EPHA8: variants seen among roughly 807,000 people sequenced by gnomAD.
EPHA8 encodes the protein ephrin type-A receptor 8.
In EPHA8, 58 loss-of-function variants were observed where a neutral mutation model predicts 103.6. The observed-to-expected ratio is 0.56, with a 90% CI of 0.45 to 0.70. The LOEUF is 0.70. Ranked by LOEUF, EPHA8 falls within the 30% of genes least tolerant of loss-of-function variation. The probability of loss-of-function intolerance (pLI) is 0.00; values close to 1 mark genes in which losing one functional copy is unlikely to be tolerated. For synonymous variants in EPHA8, 559 were observed against 572.5 expected (o/e 0.98, Z 0.34); for missense variants, 1,304 against 1,395.2 (o/e 0.93, Z 1.04).
chr1:22,569,188 C>A lies in EPHA8; in HGVS notation c.95-101C>A. The A allele has an allele frequency of 8.7e-7, 1 of 1,143,652 alleles. No homozygotes were observed. Among genetic ancestry groups the A allele is most frequent in the South Asian group, 1.3e-5 (1 of 78,586 alleles). 70.8% of individuals were successfully genotyped at this position (1,143,652 alleles called of 1,614,324 possible). On this transcript the variant is annotated intron_variant, in intron 1 of 16. Coordinates refer to ENST00000166244, the MANE Select transcript of EPHA8 (RefSeq NM_020526.5). This position sits in a 1 kb window ranked among gnomAD's most constrained non-coding sequence, Gnocchi z 4.5. Reference sequence around the variant, plus strand: ...CAGAGGGACCCGTGTGAGCTGTGTGCTGGGGGCTGAGTGTGGACCAGTGTA... The same window carrying A: ...CAGAGGGACCCGTGTGAGCTGTGTGATGGGGGCTGAGTGTGGACCAGTGTA...
Position 22,598,257 on chromosome 1 carries a change from G to A in EPHA8, c.2178+45G>A, listed in dbSNP as rs540310339. ...CTCTTGCATGGGCTTGGGGAGGGAG[G>A]TCCAGTCTGGGTGCTGGGAGATAGT... On this transcript the variant is annotated intron_variant, in intron 12 of 16. Transcript: ENST00000166244. The surrounding 1 kb of genome is among the most constrained non-coding windows in gnomAD (Gnocchi z 5.1). The A allele has an allele frequency of 3.8e-6, 6 of 1,591,374 alleles. No homozygotes were observed. In the South Asian group the frequency reaches 6.7e-5, roughly 18 times the overall value.
At position 22,581,936 on chromosome 1, in the gene EPHA8, G is replaced by A. The variant is rs375737021; in HGVS notation, c.824-4544G>A. The stretch of plus-strand genomic sequence containing the variant: ...TAACCTCATTTGGGAAGGTCAGCAC[G>A]GGTCTCAAACTAAGGCCTTTCACAA... On this transcript the variant is annotated intron_variant, in intron 3 of 16. Coordinates refer to ENST00000166244, the MANE Select transcript of EPHA8 (RefSeq NM_020526.5). 2.4e-4 allele frequency among the ~76,000 whole-genome samples: 36 copies of A among 152,258 alleles called. No homozygotes were observed. In the South Asian group the frequency reaches 7.3e-3, roughly 31 times the overall value.
Position 22,595,277 on chromosome 1 carries a change from A to G in EPHA8, c.1651A>G (p.Ile551Val). ...CATTGTCTGGATCTGCCTGACGCTC[A>G]TCACGGGCCTGGTGGTGCTTCTGCT... ...RTIVWICLTL[I>V]TGLVVLLLLL... The change falls in exon 8 of 17, where the codon ATC becomes GTC. Residue 551 changes from isoleucine to valine, a missense_variant. By Grantham distance (29) the Ile-to-Val change is conservative (BLOSUM62 3). Coordinates refer to ENST00000166244, the MANE Select transcript of EPHA8 (RefSeq NM_020526.5). 1.2e-6 allele frequency: 2 copies of G among 1,613,890 alleles called. No individual in the cohort carries two copies. The highest frequency in any genetic ancestry group is 1.7e-6 in the Non-Finnish European group (2 of 1,179,896).
rs993112338 is a variant in EPHA8 at position 22,597,084 on chromosome 1, T to A, written c.1766-228T>A. Among the ~76,000 whole-genome samples, 1 of 152,034 alleles carries A rather than the reference T, an allele frequency of 6.6e-6. No homozygotes were observed. Among genetic ancestry groups the A allele is most frequent in the Non-Finnish European group, 1.5e-5 (1 of 68,010 alleles). ...AAGTGACCCCAGAAAATGACAGACA[T>A]GCCCAGAACTCACTGGAGACTCCAC... On this transcript the variant is annotated intron_variant, in intron 9 of 16. Coordinates refer to ENST00000166244, the MANE Select transcript of EPHA8 (RefSeq NM_020526.5). The surrounding 1 kb of genome is among the most constrained non-coding windows in gnomAD (Gnocchi z 4.6).
At chr1:22,566,114 ACT>A (rs1306272955) in intron 1 of EPHA8, among the ~76,000 whole-genome samples, 2 of 152,134 alleles carry the variant, frequency 1.3e-5, no homozygotes, top group South Asian at 4.2e-4. Context: ...ACAACAGGCC[ACT>A]CTCAGAGCTT....
chr1:22,565,306 G>A (rs1420427037), intron 1 of EPHA8, among the ~76,000 whole-genome samples: 3 of 152,198 alleles, frequency 2.0e-5, no homozygotes, highest in Admixed American at 6.5e-5. Context: ...GGAGAGGCAC[G>A]GCAGGGTGGC....
At chr1:22,586,450 G>T (rs1478992113) in intron 3 of EPHA8, 30 bp from the exon 4 acceptor site, 3 of 1,607,844 alleles carry the variant, frequency 1.9e-6, no homozygotes. Flanking sequence ...GGCCCTGCTG[G>T]CTCATGTGCA....
At chr1:22,587,797 G>A (rs182352301) in intron 4 of EPHA8, among the ~76,000 whole-genome samples, 1 of 152,214 alleles carries the variant, frequency 6.6e-6, no homozygotes, top group Admixed American at 6.5e-5. Context: ...GAGGGCCCAG[G>A]TGCATTCATG....
chr1:22,587,371 G>T (rs1416358235), intron 4 of EPHA8, among the ~76,000 whole-genome samples: 1 of 152,208 alleles, frequency 6.6e-6, no homozygotes, highest in Non-Finnish European at 1.5e-5. Flanking sequence ...TTGAATGAGG[G>T]TGTCTTGTGA....
rs929961217 is a variant in EPHA8, at chr1:22,567,235, G to A, written c.95-2054G>A. On this transcript the variant is annotated intron_variant, in intron 1 of 16. Coordinates refer to ENST00000166244, the MANE Select transcript of EPHA8 (RefSeq NM_020526.5). The surrounding 1 kb of genome is among the most constrained non-coding windows in gnomAD (Gnocchi z 4.2). ...CCCAGTCACCCCGAGACCTGTGTCT[G>A]GGATGCGGGGTGGGGCGGGGGGACC... Among the ~76,000 whole-genome samples, 1 of 152,194 alleles carries A rather than the reference G, an allele frequency of 6.6e-6. No homozygotes were observed. The highest frequency in any genetic ancestry group is 2.4e-5 in the African/African-American group (1 of 41,446).
Position 22,597,932 on chromosome 1 carries a change from CCT to C in EPHA8, c.2116+73_2116+74del, listed in dbSNP as rs1557581190. 6.5e-7 allele frequency: 1 copy of C among 1,543,166 alleles called. No homozygotes were observed. Among genetic ancestry groups the C allele is most frequent in the African/African-American group, 1.4e-5 (1 of 73,236 alleles). ...CCTGGAGAGGCCTCTGGGTCCATCC[CCT>C]CATCCATCCTGCTCTGCCCCACCTG... On this transcript the variant is annotated intron_variant, in intron 11 of 16. Coordinates refer to ENST00000166244, the MANE Select transcript of EPHA8 (RefSeq NM_020526.5). This position sits in a 1 kb window ranked among gnomAD's most constrained non-coding sequence, Gnocchi z 4.6.
Position 22,579,031 on chromosome 1 carries a change from G to T in EPHA8, c.823+2151G>T, listed in dbSNP as rs536195221. On this transcript the variant is annotated intron_variant, in intron 3 of 16. Coordinates refer to ENST00000166244, the MANE Select transcript of EPHA8 (RefSeq NM_020526.5). ...TGTGTGTGCATATGTGCAAGAGTAT[G>T]TATGCATGTGTGTGCATTTGTGCAT... Among the ~76,000 whole-genome samples, 3 of 125,068 alleles carry T rather than the reference G, an allele frequency of 2.4e-5. No individual in the cohort carries two copies. The East Asian group carries it at 7.7e-4, about 32-fold the overall frequency. The allele number at this position is 125,068 out of a possible 152,430, so 82.0% of individuals were successfully genotyped here.
chr1:22,568,038 ATC>A (rs1420209335), intron 1 of EPHA8, among the ~76,000 whole-genome samples: 1 of 152,232 alleles, frequency 6.6e-6, no homozygotes. Flanking sequence ...AGCATAATGC[ATC>A]TGTTTCACCT....
In EPHA8 at chr1:22,602,079, C is replaced by A; in HGVS notation, c.*338C>A. On this transcript the variant is annotated 3_prime_UTR_variant, in exon 17 of 17. Coordinates refer to ENST00000166244, the MANE Select transcript of EPHA8 (RefSeq NM_020526.5). ...GTGTGTGTGTGGTGGGGGGTGTTCT[C>A]ACAAGGTCATGGGATCTCATGTGAA... is the stretch of plus-strand genomic sequence containing the variant. The A allele has an allele frequency of 2.3e-6, 1 of 436,472 alleles. No individual in the cohort carries two copies. Among genetic ancestry groups the A allele is most frequent in the East Asian group, 4.6e-5 (1 of 21,608 alleles). The allele number at this position is 436,472 out of a possible 1,614,324, so 27.0% of individuals were successfully genotyped here.
rs766808717 is a variant in EPHA8 at position 22,597,388 on chromosome 1, C to A, written c.1842C>A (p.His614Gln). ...LPEPQFYAEP[H>Q]TYEEPGRAGR... ...AGCCCCAGTTCTATGCGGAACCCCA[C>A]ACCTACGAGGAGCCAGGCCGGGCGG... Residue 614 changes from histidine to glutamine, a missense_variant, in exon 10 of 17, where the codon CAC (histidine) becomes CAA (glutamine). His to Gln is a conservative substitution (Grantham distance 24). Transcript: ENST00000166244. The surrounding 1 kb of genome is among the most constrained non-coding windows in gnomAD (Gnocchi z 4.6). 50 of 1,613,338 alleles carry A rather than the reference C, an allele frequency of 3.1e-5. No homozygotes were observed. The Middle Eastern group carries it at 4.9e-4, about 16-fold the overall frequency.
rs542382430 is a variant in EPHA8, at chr1:22,597,255, G to A, written c.1766-57G>A. The A allele has an allele frequency of 3.5e-6, 5 of 1,429,462 alleles. No homozygotes were observed. The East Asian group carries it at 1.2e-4, about 33-fold the overall frequency. 88.5% of individuals were successfully genotyped at this position (1,429,462 alleles called of 1,614,324 possible). ...CAGACCCATCCCAGGCCCAGGGAAT[G>A]TCAGGAAAAAGCAATCTCTCCTGGG... On this transcript the variant is annotated intron_variant, in intron 9 of 16. Transcript: ENST00000166244. The surrounding 1 kb of genome is among the most constrained non-coding windows in gnomAD (Gnocchi z 4.6).
chr1:22,573,828 C>T (rs1032710841), intron 2 of EPHA8, among the ~76,000 whole-genome samples: 1 of 152,216 alleles, frequency 6.6e-6, no homozygotes, highest in Non-Finnish European at 1.5e-5. Flanking sequence ...TGCTTCATTG[C>T]AGTGCCAGGT....
Position 22,598,243 on chromosome 1 carries a change from G to A in EPHA8, c.2178+31G>A, listed in dbSNP as rs1160542804. ...TGTCCCACCCCTGCCTCTTGCATGGGCTTGGGGAGGGAGGTCCAGTCTGGG... is the reference window on the plus strand; with the variant it reads ...TGTCCCACCCCTGCCTCTTGCATGGACTTGGGGAGGGAGGTCCAGTCTGGG... On this transcript the variant is annotated intron_variant, in intron 12 of 16. Coordinates refer to ENST00000166244, the MANE Select transcript of EPHA8 (RefSeq NM_020526.5). This position sits in a 1 kb window ranked among gnomAD's most constrained non-coding sequence, Gnocchi z 5.1. The A allele has an allele frequency of 6.2e-7, 1 of 1,607,158 alleles. No individual in the cohort carries two copies. The highest frequency in any genetic ancestry group is 1.7e-5 in the Admixed American group (1 of 59,306).
chr1:22,578,352 G>A (rs966669576), intron 3 of EPHA8, among the ~76,000 whole-genome samples: 36 of 150,350 alleles, frequency 2.4e-4, no homozygotes, highest in Non-Finnish European at 5.2e-4. Flanking sequence ...ATGTGTGTAT[G>A]TGTGCGTGCA....
Sources: gnomAD v4.1 joint callset for allele counts (sites outside exome capture counted in the v4.1 genomes callset) on GRCh38, gnomAD v4.1.1 for gene constraint, Gnocchi (gnomAD v3.1) non-coding constraint, MANE v1.5 for transcripts, NCBI Gene and HGNC (gene_info 2026-07-23, HGNC 2026-07-21) for gene names.